Variants in AGBL4 observed in about 807,000 individuals in gnomAD.
AGBL4 encodes the protein AGBL carboxypeptidase 4.
In AGBL4, 58 loss-of-function variants were observed where a neutral mutation model predicts 66.4. That is an observed-to-expected ratio of 0.87 (90% confidence interval 0.71 to 1.09). The LOEUF (loss-of-function observed/expected upper bound fraction) is 1.09. Among genes scored for constraint, AGBL4 ranks in the 50% least tolerant of loss-of-function variants. The probability of loss-of-function intolerance (pLI) is 0.00; values close to 1 mark genes in which losing one functional copy is unlikely to be tolerated. For synonymous variants in AGBL4, 234 were observed against 222.9 expected (o/e 1.05, Z -0.44); for missense variants, 579 against 631.0 (o/e 0.92, Z 0.88).
chr1:48,559,479 C>T (rs1644365878), intron 11 of AGBL4, among the ~76,000 whole-genome samples: 1 of 152,166 alleles, frequency 6.6e-6, no homozygotes. Flanking sequence ...TTTGGAATCA[C>T]AAAGATCCCA....
intron 2 of AGBL4, chr1:49,846,108 G>C (rs1298470494): frequency 1.3e-6 from 2 of 1,516,532 alleles, no homozygotes; most frequent in Non-Finnish European, 1.8e-6. Context: ...TGTAGCCAGA[G>C]CTCCCTTCTC....
In AGBL4 at chr1:49,988,193, T is replaced by C. The variant is rs11205671; in HGVS notation, c.34+35570A>G. 1.8e-3 allele frequency among the ~76,000 whole-genome samples: 270 copies of C among 152,242 alleles called. 3 individuals are homozygous for C. Among genetic ancestry groups the C allele is most frequent in the African/African-American group, 6.1e-3 (252 of 41,572 alleles). ...AAAGCTTCTTTTAAACAGTTTAGAA[T>C]TATAAAACCTGAAGCGAATAAAAAT... On this transcript the variant is annotated intron_variant, in intron 1 of 13. Transcript: ENST00000371839.
chr1:48,533,073 G>A lies in AGBL4; in HGVS notation c.*1100C>T, dbSNP rs559330712. ...ACAAACAAACAAACAAACAAAAAAT[G>A]CTTTAGTGGAGCTCTGTGCTAAGGG... On this transcript the variant is annotated 3_prime_UTR_variant, in exon 14 of 14. Transcript: ENST00000371839. 5.9e-5 allele frequency: 8 copies of A among 136,030 alleles called. No individual in the cohort carries two copies. Among genetic ancestry groups the A allele is most frequent in the African/African-American group, 3.0e-5 (1 of 33,186 alleles). The allele number at this position is 136,030 out of a possible 1,614,324, so 8.4% of individuals were successfully genotyped here.
intron 2 of AGBL4, chr1:49,845,126 AAC>A (rs1646103393): frequency 7.0e-7 from 1 of 1,423,546 alleles, no homozygotes; most frequent in African/African-American, 1.4e-5. Flanking sequence ...GCACTTACCC[AAC>A]ACCACCGTAC....
At chr1:48,592,994 A>T (rs1274114561) in intron 9 of AGBL4, among the ~76,000 whole-genome samples, 1 of 152,184 alleles carries the variant, frequency 6.6e-6, no homozygotes, top group African/African-American at 2.4e-5. Flanking sequence ...AGCTGATGTG[A>T]CTTCACTTTA....
At chr1:49,230,691 C>T (rs1039075323) in intron 4 of AGBL4, among the ~76,000 whole-genome samples, 1 of 152,090 alleles carries the variant, frequency 6.6e-6, no homozygotes, top group Non-Finnish European at 1.5e-5. Flanking sequence ...TAATATTCTC[C>T]CTAATATATT....
chr1:49,400,211 G>C (rs557262229), intron 3 of AGBL4, among the ~76,000 whole-genome samples: 1 of 152,186 alleles, frequency 6.6e-6, no homozygotes, highest in South Asian at 2.1e-4. Flanking sequence ...ATTTGTTTCT[G>C]GGTTCTCTAT....
At chr1:49,645,997 G>A (rs1001097775) in intron 3 of AGBL4, among the ~76,000 whole-genome samples, 12 of 151,484 alleles carry the variant, frequency 7.9e-5, no homozygotes, top group African/African-American at 2.7e-4. Context: ...ACAACTCTCC[G>A]TAAACTACTA....
chr1:49,524,055 T>C (rs1650472292), intron 3 of AGBL4, among the ~76,000 whole-genome samples: 1 of 152,046 alleles, frequency 6.6e-6, no homozygotes, highest in Non-Finnish European at 1.5e-5. Context: ...CATTGTGTCA[T>C]TTAACCCTAA....
At chr1:48,991,010 A>G (rs1257660134) in intron 5 of AGBL4, among the ~76,000 whole-genome samples, 1 of 151,614 alleles carries the variant, frequency 6.6e-6, no homozygotes, top group East Asian at 2.0e-4. Context: ...ACACACCACA[A>G]TTACAATGTT....
At chr1:49,011,292 A>G (rs1237525717) in intron 5 of AGBL4, among the ~76,000 whole-genome samples, 1 of 152,140 alleles carries the variant, frequency 6.6e-6, no homozygotes, top group African/African-American at 2.4e-5. Flanking sequence ...GCTCACCATC[A>G]CTGGCCATCA....
chr1:48,989,064 C>T (rs953375808), intron 5 of AGBL4, among the ~76,000 whole-genome samples: 4 of 152,172 alleles, frequency 2.6e-5, no homozygotes, highest in Non-Finnish European at 4.4e-5. Flanking sequence ...CAGAGAACAG[C>T]AAGGCAAAGG....
At chr1:49,043,217 T>C (rs1643990285) in intron 5 of AGBL4, among the ~76,000 whole-genome samples, 1 of 152,212 alleles carries the variant, frequency 6.6e-6, no homozygotes, top group African/African-American at 2.4e-5. Flanking sequence ...TCCACCTTTC[T>C]ATATCTTTTT....
intron 3 of AGBL4, among the ~76,000 whole-genome samples, chr1:49,288,661 T>C (rs978382041): frequency 2.0e-5 from 3 of 152,112 alleles, no homozygotes; most frequent in African/African-American, 7.2e-5. Context: ...TTCAACAGTC[T>C]CAAAGTGCTG....
At chr1:49,083,487 G>A (rs540553522) in intron 4 of AGBL4, among the ~76,000 whole-genome samples, 17 of 152,350 alleles carry the variant, frequency 1.1e-4, no homozygotes, top group Admixed American at 3.3e-4. Context: ...GTGAAGCCAG[G>A]GCTGAAGCTG....
intron 5 of AGBL4, among the ~76,000 whole-genome samples, chr1:48,930,756 A>T (rs770720721): frequency 6.6e-6 from 1 of 152,096 alleles, no homozygotes. Flanking sequence ...TTTTAATCTA[A>T]CTCCATCACT....
At chr1:49,367,901 T>C (rs891419181) in intron 3 of AGBL4, among the ~76,000 whole-genome samples, 2 of 152,154 alleles carry the variant, frequency 1.3e-5, no homozygotes, top group African/African-American at 2.4e-5. Context: ...CCCATCTACA[T>C]TAAGTATTCA....
At chr1:48,929,494 C>A (rs1654862458) in intron 5 of AGBL4, among the ~76,000 whole-genome samples, 1 of 152,240 alleles carries the variant, frequency 6.6e-6, no homozygotes, top group East Asian at 1.9e-4. Context: ...GGAGTGTAAC[C>A]TTTGAATCTG....
At chr1:49,602,549 G>A (rs1644979933) in intron 3 of AGBL4, among the ~76,000 whole-genome samples, 1 of 152,036 alleles carries the variant, frequency 6.6e-6, no homozygotes, top group South Asian at 2.1e-4. Flanking sequence ...GCAGGGACAT[G>A]GATGAAGCTG....
Sources: gnomAD v4.1 joint callset for allele counts (sites outside exome capture counted in the v4.1 genomes callset) on GRCh38, gnomAD v4.1.1 for gene constraint, MANE v1.5 for transcripts, NCBI Gene and HGNC (gene_info 2026-07-23, HGNC 2026-07-21) for gene names.